TMEM108: variants seen among roughly 807,000 people sequenced by gnomAD.
TMEM108 encodes the protein transmembrane protein 108.
In TMEM108, 12 loss-of-function variants were observed where a neutral mutation model predicts 35.1. That is an observed-to-expected ratio of 0.34 (90% CI 0.22 to 0.55). TMEM108 has a LOEUF of 0.55. Ranked by LOEUF, TMEM108 falls within the 20% of genes least tolerant of loss-of-function variation. The probability of loss-of-function intolerance (pLI) is 0.89; values close to 1 mark genes in which losing one functional copy is unlikely to be tolerated. For missense variants in TMEM108, 680 were observed against 753.3 expected, an observed-to-expected ratio of 0.90 and a Z score of 1.14; for synonymous variants, 287 against 308.6, an observed-to-expected ratio of 0.93 and a Z score of 0.73.
At chr3:133,156,788 A>C (rs1053707354) in intron 2 of TMEM108, among the ~76,000 whole-genome samples, 1 of 152,076 alleles carries the variant, frequency 6.6e-6, no homozygotes, top group Non-Finnish European at 1.5e-5. Context: ...TGGCCAATGA[A>C]ATGTGGGCCC....
intron 2 of TMEM108, chr3:133,125,052 C>T (rs1045560426): frequency 1.3e-5 from 2 of 152,026 alleles, no homozygotes; most frequent in Admixed American, 6.6e-5. Flanking sequence ...ATTTACAATC[C>T]CAAATTAACT....
chr3:133,073,508 C>CTA lies in TMEM108; in HGVS notation c.-47+27489_-47+27490insAT, dbSNP rs1273905276. 9.5e-3 allele frequency among the ~76,000 whole-genome samples: 654 copies of CTA among 68,910 alleles called. 4 individuals are homozygous for CTA. The highest frequency in any genetic ancestry group is 0.022 in the Middle Eastern group (3 of 136). 45.2% of individuals were successfully genotyped at this position (68,910 alleles called of 152,430 possible). A position where few individuals can be genotyped will look rare whatever the true frequency, so the allele number is the denominator to read the frequency against. On this transcript the variant is annotated intron_variant, in intron 2 of 5. Coordinates refer to ENST00000321871, the MANE Select transcript of TMEM108 (RefSeq NM_023943.4). ...ATTCTCTCTCTCTCTCTCTCTCTCTCTCTATATATATATATATATATATAT... is the reference window on the plus strand; with the variant it reads ...ATTCTCTCTCTCTCTCTCTCTCTCTCTATCTATATATATATATATATATATAT...
intron 2 of TMEM108, among the ~76,000 whole-genome samples, chr3:133,198,120 AT>A (rs1350309180): frequency 4.6e-5 from 7 of 152,204 alleles, no homozygotes; most frequent in Non-Finnish European, 1.0e-4. Context: ...TGTCCTGAGT[AT>A]TGATAAATGG....
intron 2 of TMEM108, among the ~76,000 whole-genome samples, chr3:133,113,713 C>T (rs1312304432): frequency 6.6e-6 from 1 of 152,126 alleles, no homozygotes; most frequent in Non-Finnish European, 1.5e-5. Context: ...GGCTGAGTCA[C>T]CGATGACTGG....
chr3:133,093,162 T>C (rs1943970868), intron 2 of TMEM108, among the ~76,000 whole-genome samples: 1 of 152,144 alleles, frequency 6.6e-6, no homozygotes, highest in Admixed American at 6.5e-5. Flanking sequence ...GCTAATTTTT[T>C]GTATTTTTAG....
chr3:133,217,297 G>A (rs540315870), intron 2 of TMEM108, among the ~76,000 whole-genome samples: 5 of 151,894 alleles, frequency 3.3e-5, no homozygotes, highest in African/African-American at 9.6e-5. Context: ...TTACTATTGA[G>A]TTGAGTTCTT....
chr3:133,179,756 T>C (rs987132683), intron 2 of TMEM108, among the ~76,000 whole-genome samples: 4 of 152,010 alleles, frequency 2.6e-5, no homozygotes, highest in Non-Finnish European at 4.4e-5. Flanking sequence ...TGTATACATA[T>C]GTAACAAACC....
intron 2 of TMEM108, among the ~76,000 whole-genome samples, chr3:133,122,902 C>CTAT (rs915295810): frequency 6.6e-6 from 1 of 151,564 alleles, no homozygotes; most frequent in Non-Finnish European, 1.5e-5. Context: ...TTTTAAGATG[C>CTAT]TATAAGGTGG....
intron 5 of TMEM108, 68 bp from the exon 6 acceptor site, chr3:133,395,796 T>C (rs1250503840): frequency 2.0e-5 from 28 of 1,434,396 alleles, no homozygotes; most frequent in Non-Finnish European, 2.2e-5. Context: ...CATGTGTACA[T>C]TTCTTTAAGA....
At chr3:133,123,857 C>G (rs1944383422) in intron 2 of TMEM108, among the ~76,000 whole-genome samples, 1 of 152,106 alleles carries the variant, frequency 6.6e-6, no homozygotes, top group Non-Finnish European at 1.5e-5. Flanking sequence ...AGTGGCCTTG[C>G]TTTCATTTTG....
chr3:133,360,192 G>A (rs565008098), intron 3 of TMEM108, among the ~76,000 whole-genome samples: 10 of 152,050 alleles, frequency 6.6e-5, no homozygotes, highest in Non-Finnish European at 1.5e-4. Context: ...AGTGAGGGTT[G>A]GGGAGGAGAT....
At chr3:133,292,407 T>C (rs895640220) in intron 3 of TMEM108, among the ~76,000 whole-genome samples, 1 of 152,246 alleles carries the variant, frequency 6.6e-6, no homozygotes, top group African/African-American at 2.4e-5. Context: ...CAGTCCTCAT[T>C]AGGCCCATTG....
chr3:133,066,529 A>ATATATG (rs1943610198), intron 2 of TMEM108, among the ~76,000 whole-genome samples: 1 of 152,178 alleles, frequency 6.6e-6, no homozygotes, highest in Non-Finnish European at 1.5e-5. Context: ...GCATGGACAC[A>ATATATG]TATATGAAGC....
chr3:133,137,279 C>T (rs556017009), intron 2 of TMEM108, among the ~76,000 whole-genome samples: 1 of 152,336 alleles, frequency 6.6e-6, no homozygotes, highest in African/African-American at 2.4e-5. Context: ...TGAGCAGGCA[C>T]ATGGCAACTA....
intron 3 of TMEM108, among the ~76,000 whole-genome samples, chr3:133,337,988 A>G (rs1428323557): frequency 6.6e-6 from 1 of 152,204 alleles, no homozygotes; most frequent in African/African-American, 2.4e-5. Context: ...AAGACAGGCT[A>G]TTTAAAAATA....
At chr3:133,385,256 A>G (rs989733917) in intron 4 of TMEM108, among the ~76,000 whole-genome samples, 3 of 152,246 alleles carry the variant, frequency 2.0e-5, no homozygotes, top group African/African-American at 4.8e-5. Context: ...TACGGATCAA[A>G]CAGGGATGGG....
chr3:133,124,110 A>T (rs1313585564), intron 2 of TMEM108, among the ~76,000 whole-genome samples: 1 of 152,222 alleles, frequency 6.6e-6, no homozygotes. Context: ...GAAGTATTTC[A>T]TCTTAGGGTA....
intron 2 of TMEM108, among the ~76,000 whole-genome samples, chr3:133,073,481 CTAT>C (rs1163027519): frequency 4.0e-4 from 22 of 55,222 alleles, no homozygotes; most frequent in African/African-American, 1.9e-3. Flanking sequence ...GAATAGTATT[CTAT>C]TCTCTCTCTC....
At chr3:133,093,247 T>A (rs1335811886) in intron 2 of TMEM108, among the ~76,000 whole-genome samples, 3 of 152,178 alleles carry the variant, frequency 2.0e-5, no homozygotes, top group African/African-American at 2.4e-5. Context: ...TGCCTTGGCC[T>A]CCCAAAGTGC....
Sources: gnomAD v4.1 joint callset for allele counts (sites outside exome capture counted in the v4.1 genomes callset) on GRCh38, gnomAD v4.1.1 for gene constraint, MANE v1.5 for transcripts, NCBI Gene and HGNC (gene_info 2026-07-23, HGNC 2026-07-21) for gene names.